Variants in CYP7B1 observed in about 807,000 individuals in gnomAD.
The protein encoded by CYP7B1 is cytochrome P450 7B1.
In CYP7B1, 29 loss-of-function variants were observed where a neutral mutation model predicts 42.7. The observed-to-expected ratio is 0.68, with a 90% CI of 0.51 to 0.93. CYP7B1 has a LOEUF of 0.93. Ranked by LOEUF, CYP7B1 falls within the 40% of genes least tolerant of loss-of-function variation. The pLI, the probability that CYP7B1 is intolerant of heterozygous loss-of-function variation, is 0.00. For missense variants in CYP7B1, 655 were observed against 600.5 expected (o/e 1.09, Z -0.95); for synonymous variants, 235 against 218.2 (o/e 1.08, Z -0.68).
Position 64,694,614 on chromosome 8 carries a change from G to T in CYP7B1, c.123-70075C>A, listed in dbSNP as rs148291118. Among the ~76,000 whole-genome samples, 182 of 152,300 alleles carry T rather than the reference G, an allele frequency of 1.2e-3. 6 individuals are homozygous for T. In the East Asian group the frequency reaches 0.029, roughly 24 times the overall value. On this transcript the variant is annotated intron_variant, in intron 1 of 5. Coordinates refer to ENST00000310193, the MANE Select transcript of CYP7B1 (RefSeq NM_004820.5). Reference sequence around the variant, plus strand: ...TAGAAACTCTTACAGCAATTTCACAGAATAATTTTGTCTGTTGAAGATAAT... The same window carrying T: ...TAGAAACTCTTACAGCAATTTCACATAATAATTTTGTCTGTTGAAGATAAT...
intron 2 of CYP7B1, among the ~76,000 whole-genome samples, chr8:64,618,600 C>CTCTCTCCCTCTCTCCCTCTG (rs1258037151): frequency 6.7e-6 from 1 of 149,918 alleles, no homozygotes; most frequent in East Asian, 1.9e-4. Flanking sequence ...TTCTCTCTCT[C>CTCTCTCCCTCTCTCCCTCTG]TCTCTCCCTC....
At chr8:64,649,201 CA>C in intron 1 of CYP7B1, among the ~76,000 whole-genome samples, 1 of 152,150 alleles carries the variant, frequency 6.6e-6, no homozygotes. Context: ...TCAATTCAAG[CA>C]ATTACTCCTG....
chr8:64,735,239 C>T (rs1807469647), intron 1 of CYP7B1, among the ~76,000 whole-genome samples: 2 of 152,224 alleles, frequency 1.3e-5, no homozygotes, highest in African/African-American at 2.4e-5. Flanking sequence ...AAAAAATATG[C>T]ACTGCAAAAT....
chr8:64,644,141 T>C (rs1293184948), intron 1 of CYP7B1, among the ~76,000 whole-genome samples: 2 of 151,930 alleles, frequency 1.3e-5, no homozygotes, highest in Non-Finnish European at 1.5e-5. Flanking sequence ...GGTGTGGTGG[T>C]GCACACCTGT....
intron 1 of CYP7B1, among the ~76,000 whole-genome samples, chr8:64,743,069 C>T (rs1322211909): frequency 2.0e-5 from 3 of 152,046 alleles, no homozygotes; most frequent in East Asian, 1.9e-4. Flanking sequence ...ATGAAATAAT[C>T]GAATTTTCAC....
At position 64,777,346 on chromosome 8, in the gene CYP7B1, T is replaced by C. The variant is rs558413789; in HGVS notation, c.122+21120A>G. 9.9e-5 allele frequency among the ~76,000 whole-genome samples: 15 copies of C among 152,206 alleles called. 1 individual carries two copies. In the South Asian group the frequency reaches 3.1e-3, roughly 32 times the overall value. On this transcript the variant is annotated intron_variant, in intron 1 of 5. Transcript: ENST00000310193. ...ATAGCACTTACGCTATTTAATGCAA[T>C]AGTTTATTTCTCTAGTAAAAAATAT... is the stretch of plus-strand genomic sequence containing the variant.
chr8:64,708,513 T>C (rs1215425521), intron 1 of CYP7B1, among the ~76,000 whole-genome samples: 1 of 152,168 alleles, frequency 6.6e-6, no homozygotes, highest in Non-Finnish European at 1.5e-5. Flanking sequence ...ATAATGTCAG[T>C]ATCAGGATTA....
chr8:64,712,064 C>T (rs760863582), intron 1 of CYP7B1, among the ~76,000 whole-genome samples: 4 of 152,100 alleles, frequency 2.6e-5, no homozygotes, highest in Non-Finnish European at 4.4e-5. Context: ...AGCACTGGCA[C>T]ATGTTGACAA....
At chr8:64,744,006 A>G (rs1338638218) in intron 1 of CYP7B1, among the ~76,000 whole-genome samples, 1 of 152,128 alleles carries the variant, frequency 6.6e-6, no homozygotes, top group Non-Finnish European at 1.5e-5. Context: ...TCACTTACTA[A>G]AACTATGGCT....
At chr8:64,771,993 C>T (rs1804242645) in intron 1 of CYP7B1, among the ~76,000 whole-genome samples, 1 of 152,212 alleles carries the variant, frequency 6.6e-6, no homozygotes, top group South Asian at 2.1e-4. Flanking sequence ...GTACACCTTC[C>T]CTTCTTTCCC....
At chr8:64,775,123 C>G (rs1239288621) in intron 1 of CYP7B1, among the ~76,000 whole-genome samples, 3 of 151,962 alleles carry the variant, frequency 2.0e-5, no homozygotes, top group African/African-American at 7.3e-5. Context: ...TGATTTAGAT[C>G]TCCAAATATC....
chr8:64,699,544 T>C (rs1034511802), intron 1 of CYP7B1, among the ~76,000 whole-genome samples: 1 of 152,092 alleles, frequency 6.6e-6, no homozygotes, highest in Non-Finnish European at 1.5e-5. Context: ...CAGCTTAAAA[T>C]AGGACAAACC....
intron 1 of CYP7B1, among the ~76,000 whole-genome samples, chr8:64,762,975 CCTCCCACTGTATGGG>C (rs200002735): frequency 0.012 from 1,871 of 152,240 alleles, 19 homozygotes; most frequent in South Asian, 0.023. Flanking sequence ...CTTTGGGTCC[CCTCCCACTGTATGGG>C]AGCTGTGTTT....
At chr8:64,692,591 A>C (rs1806764535) in intron 1 of CYP7B1, among the ~76,000 whole-genome samples, 1 of 152,180 alleles carries the variant, frequency 6.6e-6, no homozygotes, top group African/African-American at 2.4e-5. Context: ...GGTCAGAATA[A>C]ACTCAGGCTT....
chr8:64,722,763 GT>G (rs1554535564), intron 1 of CYP7B1, among the ~76,000 whole-genome samples: 2 of 120,892 alleles, frequency 1.7e-5, no homozygotes, highest in Non-Finnish European at 3.5e-5. Flanking sequence ...GGGGCGGGAG[GT>G]TTTTTTTTAT....
rs1358695189 is a variant in CYP7B1 at position 64,593,233 on chromosome 8, GTGT to G, written c.*3406_*3408del. On this transcript the variant is annotated 3_prime_UTR_variant, in exon 6 of 6. Coordinates refer to ENST00000310193, the MANE Select transcript of CYP7B1 (RefSeq NM_004820.5). ...GGTGGACTAAAGGCTAGGGCCCAGG[GTGT>G]GTGTGTGTGTGTGTGTGTGTGTGTG... Among the ~76,000 whole-genome samples, 1 of 40,928 alleles carries G rather than the reference GTGT, an allele frequency of 2.4e-5. No homozygotes were observed. The highest frequency in any genetic ancestry group is 3.8e-5 in the Non-Finnish European group (1 of 26,524). The allele number at this position is 40,928 out of a possible 152,430, so 26.9% of individuals were successfully genotyped here.
At chr8:64,641,341 T>C (rs1237509326) in intron 1 of CYP7B1, among the ~76,000 whole-genome samples, 1 of 152,124 alleles carries the variant, frequency 6.6e-6, no homozygotes, top group African/African-American at 2.4e-5. Flanking sequence ...TTTAAAAGAA[T>C]CAGTCTGGTT....
chr8:64,706,444 T>C (rs982324283), intron 1 of CYP7B1, among the ~76,000 whole-genome samples: 1 of 152,004 alleles, frequency 6.6e-6, no homozygotes, highest in Non-Finnish European at 1.5e-5. Context: ...TACTTTCTCA[T>C]CTCTCTTCAT....
intron 1 of CYP7B1, among the ~76,000 whole-genome samples, chr8:64,745,419 A>G (rs898122765): frequency 3.3e-5 from 5 of 152,240 alleles, no homozygotes; most frequent in African/African-American, 1.2e-4. Context: ...CTCAACATTT[A>G]AAACCAAAGC....
Sources: gnomAD v4.1 joint callset for allele counts (sites outside exome capture counted in the v4.1 genomes callset) on GRCh38, gnomAD v4.1.1 for gene constraint, MANE v1.5 for transcripts, NCBI Gene and HGNC (gene_info 2026-07-23, HGNC 2026-07-21) for gene names.